Variants in PAPPA2 observed in about 807,000 individuals in gnomAD.
PAPPA2 encodes pappalysin 2.
Under a neutral mutation model 176.4 loss-of-function variants are expected in PAPPA2, and 86 were observed. That is an observed-to-expected ratio of 0.49 (90% CI 0.41 to 0.58). The LOEUF (loss-of-function observed/expected upper bound fraction) is 0.58. PAPPA2 is among the 20% of genes least tolerant of loss of function. The probability of loss-of-function intolerance (pLI) is 0.00; values close to 1 mark genes in which losing one functional copy is unlikely to be tolerated. For synonymous variants in PAPPA2, 809 were observed against 852.2 expected (o/e 0.95, Z 0.88); for missense variants, 2,073 against 2,256.9 (o/e 0.92, Z 1.65).
intron 2 of PAPPA2, among the ~76,000 whole-genome samples, chr1:176,568,301 A>C (rs940952623): frequency 2.0e-5 from 3 of 152,162 alleles, no homozygotes; most frequent in African/African-American, 7.2e-5. Flanking sequence ...CTATTGCATA[A>C]ATTTTCCTTT....
At position 176,531,579 on chromosome 1, in the gene PAPPA2, C is replaced by T. The variant is rs540740502; in HGVS notation, c.-916-23828C>T. Among the ~76,000 whole-genome samples, 10 of 152,184 alleles carry T rather than the reference C, an allele frequency of 6.6e-5. No individual in the cohort carries two copies. The South Asian group carries it at 8.3e-4, about 13-fold the overall frequency. ...TTTCAATCAATTTTATCAAGCAAAC[C>T]GGCCACTGTTCCACCTTCATGAAGA... On this transcript the variant is annotated intron_variant, in intron 1 of 22. Transcript: ENST00000367662.
chr1:176,748,052 A>G (rs1663006570), intron 14 of PAPPA2, among the ~76,000 whole-genome samples: 1 of 152,246 alleles, frequency 6.6e-6, no homozygotes, highest in Non-Finnish European at 1.5e-5. Context: ...CACAAGTGTT[A>G]CAGCTTGTCA....
At chr1:176,711,166 C>T (rs548988337) in intron 11 of PAPPA2, among the ~76,000 whole-genome samples, 2 of 152,226 alleles carry the variant, frequency 1.3e-5, no homozygotes, top group East Asian at 1.9e-4. Context: ...GATACACTGT[C>T]GCCTTGAACA....
intron 17 of PAPPA2, among the ~76,000 whole-genome samples, chr1:176,776,312 T>C (rs1343617931): frequency 1.3e-5 from 2 of 152,172 alleles, no homozygotes; most frequent in African/African-American, 4.8e-5. Flanking sequence ...CAACTTTAGT[T>C]AGTCAATCTC....
At chr1:176,613,316 C>G (rs930606724) in intron 3 of PAPPA2, among the ~76,000 whole-genome samples, 1 of 152,228 alleles carries the variant, frequency 6.6e-6, no homozygotes, top group Non-Finnish European at 1.5e-5. Flanking sequence ...CACTCAGATT[C>G]AGAGTTACAG....
intron 4 of PAPPA2, among the ~76,000 whole-genome samples, chr1:176,674,167 T>G (rs1002592943): frequency 6.6e-6 from 1 of 152,078 alleles, no homozygotes; most frequent in African/African-American, 2.4e-5. Context: ...AGTTGAGGCC[T>G]TGTCAAGGAG....
intron 1 of PAPPA2, among the ~76,000 whole-genome samples, chr1:176,524,819 C>T (rs1036644236): frequency 1.6e-4 from 25 of 151,930 alleles, no homozygotes; most frequent in Non-Finnish European, 3.1e-4. Context: ...GTCAGGAGAT[C>T]GAGACCATCC....
chr1:176,495,014 A>C (rs143693081), intron 1 of PAPPA2, among the ~76,000 whole-genome samples: 55 of 152,282 alleles, frequency 3.6e-4, no homozygotes, highest in African/African-American at 1.3e-3. Context: ...CACTGCCTAC[A>C]CTAAAGTCAG....
chr1:176,801,692 A>T (rs1665691546), intron 21 of PAPPA2, among the ~76,000 whole-genome samples: 1 of 152,038 alleles, frequency 6.6e-6, no homozygotes, highest in African/African-American at 2.4e-5. Context: ...AAACAGACAG[A>T]AGACTGGGGA....
intron 7 of PAPPA2, among the ~76,000 whole-genome samples, chr1:176,697,335 A>T (rs1660434041): frequency 6.6e-6 from 1 of 152,186 alleles, no homozygotes; most frequent in Non-Finnish European, 1.5e-5. Context: ...TGGGGGCTTA[A>T]TAATAATTAT....
Position 176,838,469 on chromosome 1 carries a change from G to A in PAPPA2, c.5203-1704G>A, listed in dbSNP as rs568088616. 3.7e-4 allele frequency among the ~76,000 whole-genome samples: 57 copies of A among 152,306 alleles called. 1 individual carries two copies. Among genetic ancestry groups the A allele is most frequent in the Middle Eastern group, 6.8e-3 (2 of 294 alleles). On this transcript the variant is annotated intron_variant, in intron 21 of 22. Coordinates refer to ENST00000367662, the MANE Select transcript of PAPPA2 (RefSeq NM_020318.3). ...GGTTGGAGCAAAAGTAACAGATGTAGTGCTAGATGAATAAGATACACTCCA... is the reference window on the plus strand; with the variant it reads ...GGTTGGAGCAAAAGTAACAGATGTAATGCTAGATGAATAAGATACACTCCA...
At chr1:176,498,812 G>A (rs1490563667) in intron 1 of PAPPA2, among the ~76,000 whole-genome samples, 2 of 151,720 alleles carry the variant, frequency 1.3e-5, no homozygotes, top group African/African-American at 2.4e-5. Context: ...CATGCTTTCT[G>A]GAAATGCTGG....
intron 2 of PAPPA2, among the ~76,000 whole-genome samples, chr1:176,570,850 A>G (rs950462524): frequency 1.3e-5 from 2 of 152,040 alleles, no homozygotes; most frequent in Non-Finnish European, 2.9e-5. Context: ...AGCCAAGCAC[A>G]TTTGAGGAAG....
At chr1:176,513,746 C>T (rs1298063352) in intron 1 of PAPPA2, among the ~76,000 whole-genome samples, 6 of 152,086 alleles carry the variant, frequency 3.9e-5, no homozygotes, top group Admixed American at 2.6e-4. Context: ...CTAGAAGCCT[C>T]ATAATTATTC....
chr1:176,793,723 T>C, intron 20 of PAPPA2, 54 bp downstream of exon 20: 1 of 1,360,862 alleles, frequency 7.3e-7, no homozygotes, highest in East Asian at 2.4e-5. Context: ...TGAGCAACAC[T>C]TGGAGCATTA....
At chr1:176,572,948 A>C (rs1652436782) in intron 2 of PAPPA2, among the ~76,000 whole-genome samples, 1 of 152,256 alleles carries the variant, frequency 6.6e-6, no homozygotes, top group Non-Finnish European at 1.5e-5. Flanking sequence ...TGGTAACAGG[A>C]ACCCCAAAGA....
chr1:176,533,486 A>T (rs2206506), intron 1 of PAPPA2, among the ~76,000 whole-genome samples: 46,992 of 152,110 alleles, frequency 0.31, 7,774 homozygotes, highest in Middle Eastern at 0.44. Flanking sequence ...GTTTCTTCAG[A>T]CCACTCCTTC....
Position 176,556,075 on chromosome 1 carries a change from A to G in PAPPA2, c.-248A>G, listed in dbSNP as rs1471282304. The stretch of plus-strand genomic sequence containing the variant: ...GGACTAAAGTACAGCAAGAGGAGAG[A>G]GGTCAAGCGAGAAGCGTGCGGGAAG... On this transcript the variant is annotated 5_prime_UTR_variant, in exon 2 of 23. Transcript: ENST00000367662. The G allele has an allele frequency of 4.1e-6, 2 of 491,564 alleles. No homozygotes were observed. The highest frequency in any genetic ancestry group is 7.2e-6 in the Non-Finnish European group (2 of 279,472). 30.5% of individuals were successfully genotyped at this position (491,564 alleles called of 1,614,324 possible).
intron 1 of PAPPA2, among the ~76,000 whole-genome samples, chr1:176,518,334 C>A (rs1485901144): frequency 1.3e-5 from 2 of 151,886 alleles, no homozygotes; most frequent in Non-Finnish European, 2.9e-5. Context: ...ACGTCCCAAG[C>A]CAGAATAGTT....
Sources: gnomAD v4.1 joint callset for allele counts (sites outside exome capture counted in the v4.1 genomes callset) on GRCh38, gnomAD v4.1.1 for gene constraint, MANE v1.5 for transcripts, NCBI Gene and HGNC (gene_info 2026-07-23, HGNC 2026-07-21) for gene names.